Variants in MEAK7 observed in about 807,000 individuals in gnomAD.
The protein encoded by MEAK7 is MTOR associated protein MEAK7, also known as MTOR-associated protein MEAK7.
MEAK7 carries 68 observed loss-of-function variants against 40.5 expected under a neutral mutation model. The ratio of observed to expected loss-of-function variants is 1.68; its 90% CI spans 1.38 to 2.06. MEAK7 has a LOEUF of 2.06. MEAK7 is among the 30% of genes most tolerant of loss of function. The pLI, the probability that MEAK7 is intolerant of heterozygous loss-of-function variation, is 0.00. For missense variants in MEAK7, 918 were observed against 580.5 expected, an observed-to-expected ratio of 1.58 and a Z score of -5.98; for synonymous variants, 338 against 231.9, an observed-to-expected ratio of 1.46 and a Z score of -4.16.
chr16:84,480,057 C>A lies in MEAK7; in HGVS notation c.1258-31G>T, dbSNP rs377508338. ...GAAGAGAAGAAAGGGTGGGTGTGTT[C>A]CATGATGGCCCAACAAGAGGCAGCA... On this transcript the variant is annotated intron_variant, in intron 7 of 7. Coordinates refer to ENST00000343629, the MANE Select transcript of MEAK7 (RefSeq NM_020947.4). The A allele has an allele frequency of 1.6e-4, 244 of 1,516,396 alleles. No individual in the cohort carries two copies. In the African/African-American group the frequency reaches 3.2e-3, roughly 20 times the overall value. 93.9% of individuals were successfully genotyped at this position (1,516,396 alleles called of 1,614,324 possible).
Position 84,477,912 on chromosome 16 carries a change from G to C in MEAK7, c.*2001C>G, listed in dbSNP as rs1055604223. 3 of 152,122 alleles carry C rather than the reference G, an allele frequency of 2.0e-5. No individual in the cohort carries two copies. Among genetic ancestry groups the C allele is most frequent in the African/African-American group, 7.2e-5 (3 of 41,412 alleles). The allele number at this position is 152,122 out of a possible 1,614,324, so 9.4% of individuals were successfully genotyped here. ...CTAAGTGCACTGCCTGGAAGCAGGT[G>C]CATTCGTGATCTGCACTCTCCTTAG... is the stretch of plus-strand genomic sequence containing the variant. On this transcript the variant is annotated 3_prime_UTR_variant, in exon 8 of 8. Transcript: ENST00000343629.
chr16:84,478,194 A>T lies in MEAK7; in HGVS notation c.*1719T>A, dbSNP rs1319276973. 1 of 152,128 alleles carries T rather than the reference A, an allele frequency of 6.6e-6. No individual in the cohort carries two copies. Among genetic ancestry groups the T allele is most frequent in the Non-Finnish European group, 1.5e-5 (1 of 68,024 alleles). 9.4% of individuals were successfully genotyped at this position (152,128 alleles called of 1,614,324 possible). A position where few individuals can be genotyped will look rare whatever the true frequency, so the allele number is the denominator to read the frequency against. ...AGATGCTTGAGGATCCTAATATTCT[A>T]CTTCTGCCAACATGTCAGGTAGGAA... On this transcript the variant is annotated 3_prime_UTR_variant, in exon 8 of 8. Coordinates refer to ENST00000343629, the MANE Select transcript of MEAK7 (RefSeq NM_020947.4).
chr16:84,489,162 G>C, intron 4 of MEAK7, 116 bp downstream of exon 4: 1 of 1,321,310 alleles, frequency 7.6e-7, no homozygotes, highest in East Asian at 2.7e-5. Flanking sequence ...CCTAGAAGAA[G>C]GTTCGAGGGC....
intron 6 of MEAK7, among the ~76,000 whole-genome samples, 164 bp downstream of exon 6, chr16:84,482,428 C>G (rs139477627): frequency 2.0e-5 from 3 of 152,358 alleles, no homozygotes; most frequent in African/African-American, 7.2e-5. Context: ...CCAGCTGTCA[C>G]TGCCCCCAGC....
At chr16:84,496,080 A>G (rs961853145) in intron 2 of MEAK7, among the ~76,000 whole-genome samples, 167 bp from the exon 3 acceptor site, 5 of 152,212 alleles carry the variant, frequency 3.3e-5, no homozygotes, top group South Asian at 2.1e-4. Flanking sequence ...TCTTAGAGCC[A>G]GGCCGGAAAC....
intron 1 of MEAK7, 31 bp downstream of exon 1, chr16:84,504,570 G>C (rs1914746760): frequency 1.0e-6 from 1 of 984,350 alleles, no homozygotes; most frequent in East Asian, 1.1e-4. Flanking sequence ...CTCTGGGTCA[G>C]CTCACTGCGA....
At chr16:84,490,176 C>A (rs922545561) in intron 3 of MEAK7, among the ~76,000 whole-genome samples, 3 of 151,794 alleles carry the variant, frequency 2.0e-5, no homozygotes, top group African/African-American at 7.3e-5. Context: ...AGTCTTTTTC[C>A]CACTTGGTTT....
At chr16:84,500,239 A>C (rs906880805) in intron 1 of MEAK7, among the ~76,000 whole-genome samples, 1 of 152,046 alleles carries the variant, frequency 6.6e-6, no homozygotes, top group Non-Finnish European at 1.5e-5. Flanking sequence ...GGCTGTTTCC[A>C]CCTTCCGGCT....
rs769259697 is a variant in MEAK7, at chr16:84,495,773, C to A, written c.294G>T (p.Leu98=). The part of the protein sequence containing the change: ...QEQFTASMSH[L]LKGNSEEKSL... The stretch of plus-strand genomic sequence containing the variant: ...TCTTCTCCTCGGAGTTTCCTTTCAA[C>A]AGGTGGGACATGGATGCTGTGAACT... Residue 98 remains leucine, a synonymous_variant, in exon 3 of 8, where the codon CTG becomes CTT. Transcript: ENST00000343629. The A allele has an allele frequency of 1.2e-6, 2 of 1,614,080 alleles. No homozygotes were observed. Among genetic ancestry groups the A allele is most frequent in the Non-Finnish European group, 1.7e-6 (2 of 1,180,026 alleles).
chr16:84,478,378 T>C lies in MEAK7; in HGVS notation c.*1535A>G, dbSNP rs1440585581. On this transcript the variant is annotated 3_prime_UTR_variant, in exon 8 of 8. Coordinates refer to ENST00000343629, the MANE Select transcript of MEAK7 (RefSeq NM_020947.4). ...TGAGGCATTCTGCCTGAGTCAGGGC[T>C]ATTGCTAAGTGGAAGGTTTGATGAA... 2 of 152,232 alleles carry C rather than the reference T, an allele frequency of 1.3e-5. No individual in the cohort carries two copies. Among genetic ancestry groups the C allele is most frequent in the Non-Finnish European group, 2.9e-5 (2 of 68,048 alleles). 9.4% of individuals were successfully genotyped at this position (152,232 alleles called of 1,614,324 possible).
intron 5 of MEAK7, among the ~76,000 whole-genome samples, chr16:84,483,443 C>G (rs1327812304): frequency 6.6e-6 from 1 of 152,198 alleles, no homozygotes; most frequent in Non-Finnish European, 1.5e-5. Context: ...CTGCCCGCCT[C>G]GACACCAGCA....
intron 5 of MEAK7, among the ~76,000 whole-genome samples, chr16:84,485,043 G>C (rs563684493): frequency 3.3e-5 from 5 of 152,150 alleles, no homozygotes; most frequent in Non-Finnish European, 5.9e-5. Flanking sequence ...TCCTAAAGCC[G>C]AGCCTTCAGC....
chr16:84,489,206 G>C, intron 4 of MEAK7, 72 bp downstream of exon 4: 2 of 1,539,942 alleles, frequency 1.3e-6, no homozygotes, highest in Non-Finnish European at 1.8e-6. Flanking sequence ...TTACTACACA[G>C]CTACAGTAAT....
chr16:84,499,148 T>C (rs1264874641), intron 1 of MEAK7, among the ~76,000 whole-genome samples: 1 of 152,212 alleles, frequency 6.6e-6, no homozygotes, highest in African/African-American at 2.4e-5. Context: ...CCTGGGGCCT[T>C]GTTCACTGTC....
intron 3 of MEAK7, among the ~76,000 whole-genome samples, chr16:84,490,309 G>C (rs1164292766): frequency 6.6e-6 from 1 of 151,160 alleles, no homozygotes; most frequent in Non-Finnish European, 1.5e-5. Flanking sequence ...GAAAGAGCAA[G>C]GCCACCAAAA....
chr16:84,497,484 G>A (rs1597964869), intron 2 of MEAK7: 1 of 1,290,292 alleles, frequency 7.8e-7, no homozygotes, highest in African/African-American at 1.5e-5. Flanking sequence ...CAGGAGGGCA[G>A]ACCCATCACC....
intron 1 of MEAK7, among the ~76,000 whole-genome samples, chr16:84,502,552 C>A (rs930641402): frequency 1.3e-5 from 2 of 151,950 alleles, no homozygotes; most frequent in African/African-American, 4.8e-5. Flanking sequence ...ACCCCATGTA[C>A]CCAGGTGTAC....
At chr16:84,493,581 TAAC>T (rs138999888) in intron 3 of MEAK7, among the ~76,000 whole-genome samples, 194 of 152,364 alleles carry the variant, frequency 1.3e-3, no homozygotes, top group Non-Finnish European at 2.2e-3. Flanking sequence ...TTACAGCTTT[TAAC>T]AATTAAAATA....
At chr16:84,481,094 C>G (rs1912497587) in intron 6 of MEAK7, among the ~76,000 whole-genome samples, 1 of 152,250 alleles carries the variant, frequency 6.6e-6, no homozygotes, top group Admixed American at 6.5e-5. Flanking sequence ...ACACTGCAAA[C>G]CCCCTGTGTT....
Sources: gnomAD v4.1 joint callset for allele counts (sites outside exome capture counted in the v4.1 genomes callset) on GRCh38, gnomAD v4.1.1 for gene constraint, MANE v1.5 for transcripts, NCBI Gene and HGNC (gene_info 2026-07-23, HGNC 2026-07-21) for gene names.